The following SPATA7 variants were observed in gnomAD, a reference collection of about 807,000 sequenced individuals.
The protein encoded by SPATA7 is spermatogenesis associated 7, also known as spermatogenesis-associated protein 7.
In SPATA7, 43 loss-of-function variants were observed where a neutral mutation model predicts 51.8. That is an observed-to-expected ratio of 0.83 (90% CI 0.65 to 1.07). The LOEUF is 1.07. SPATA7 is among the 50% of genes least tolerant of loss of function. SPATA7 has a pLI of 0.00. For synonymous variants in SPATA7, 230 were observed against 252.8 expected, an observed-to-expected ratio of 0.91 and a Z score of 0.86; for missense variants, 683 against 701.3, an observed-to-expected ratio of 0.97 and a Z score of 0.30.
At chr14:88,400,739 G>A (rs1331538334) in intron 4 of SPATA7, among the ~76,000 whole-genome samples, 1 of 152,250 alleles carries the variant, frequency 6.6e-6, no homozygotes, top group African/African-American at 2.4e-5. Flanking sequence ...GGAGGCTGAG[G>A]CAGGAGAATC....
rs1043729167 is a variant in SPATA7, at chr14:88,391,512, T to A, written c.94+57T>A. On this transcript the variant is annotated intron_variant, in intron 2 of 11. Coordinates refer to ENST00000393545, the MANE Select transcript of SPATA7 (RefSeq NM_018418.5). Reference sequence around the variant, plus strand: ...TAGAAGATTGTCTGAGTGTTTCCTTTACTGGCAAATTATATGACATGATGG... The same window carrying A: ...TAGAAGATTGTCTGAGTGTTTCCTTAACTGGCAAATTATATGACATGATGG... The A allele has an allele frequency of 7.2e-6, 10 of 1,387,128 alleles. No homozygotes were observed. In the African/African-American group the frequency reaches 1.4e-4, roughly 20 times the overall value. 85.9% of individuals were successfully genotyped at this position (1,387,128 alleles called of 1,614,324 possible).
At position 88,385,744 on chromosome 14, in the gene SPATA7, CGG is replaced by C; in HGVS notation, c.-72_-71del. 1 of 1,450,970 alleles carries C rather than the reference CGG, an allele frequency of 6.9e-7. No homozygotes were observed. The highest frequency in any genetic ancestry group is 9.5e-7 in the Non-Finnish European group (1 of 1,048,392). The allele number at this position is 1,450,970 out of a possible 1,614,324, so 89.9% of individuals were successfully genotyped here. A position where few individuals can be genotyped will look rare whatever the true frequency, so the allele number is the denominator to read the frequency against. ...CTCCTCTTTTCCAGTCCTCCACTGC[CGG>C]GGCTGGGCCCGGCCGCGGGAAGGAC... On this transcript the variant is annotated 5_prime_UTR_variant, in exon 1 of 12. Transcript: ENST00000393545.
At chr14:88,418,017 A>G (rs2076534242) in intron 5 of SPATA7, among the ~76,000 whole-genome samples, 1 of 152,170 alleles carries the variant, frequency 6.6e-6, no homozygotes, top group South Asian at 2.1e-4. Flanking sequence ...TGTTAGATTT[A>G]TGTAGGAAGT....
At chr14:88,455,654 T>A (rs1374318955), downstream of SPATA7, among the ~76,000 whole-genome samples, 1 of 151,836 alleles carries the variant, frequency 6.6e-6, no homozygotes, top group Non-Finnish European at 1.5e-5. Context: ...GATCAGACAG[T>A]AGCACATAAA....
Position 88,437,938 on chromosome 14 carries a change from T to C in SPATA7, c.1316T>C (p.Phe439Ser), listed in dbSNP as rs1566790480. The change falls in exon 12 of 12, where the codon TTT becomes TCT. Residue 439 changes from phenylalanine (F) to serine (S), a missense_variant. Coordinates refer to ENST00000393545, the MANE Select transcript of SPATA7 (RefSeq NM_018418.5). Reference protein sequence around the residue: ...KQNDVDMLNVFDFEKAGNSEP... With the variant: ...KQNDVDMLNVSDFEKAGNSEP... ...AATGATGTTGATATGTTGAATGTATTTGATTTTGAAAAGGCTGGGAATTCA... is the reference window on the plus strand; with the variant it reads ...AATGATGTTGATATGTTGAATGTATCTGATTTTGAAAAGGCTGGGAATTCA... 4 of 1,613,994 alleles carry C rather than the reference T, an allele frequency of 2.5e-6. No individual in the cohort carries two copies. In the South Asian group the frequency reaches 3.3e-5, roughly 13 times the overall value.
At chr14:88,468,015 C>T in intron 4 of SPATA7, 1 of 1,282,412 alleles carries the variant, frequency 7.8e-7, no homozygotes, top group Non-Finnish European at 1.1e-6. Context: ...GACTGCGCCA[C>T]TTACGTCCCA....
At chr14:88,457,394 A>G (rs910110726), downstream of SPATA7, among the ~76,000 whole-genome samples, 1 of 152,064 alleles carries the variant, frequency 6.6e-6, no homozygotes, top group African/African-American at 2.4e-5. Context: ...GTCTTCTTTT[A>G]TTTCATTGAG....
At chr14:88,411,143 G>T (rs2076330505) in intron 4 of SPATA7, among the ~76,000 whole-genome samples, 1 of 152,182 alleles carries the variant, frequency 6.6e-6, no homozygotes, top group African/African-American at 2.4e-5. Flanking sequence ...CGCCCAGTCT[G>T]AACTTCCTGG....
intron 4 of SPATA7, among the ~76,000 whole-genome samples, chr14:88,399,921 T>C (rs2076011259): frequency 6.6e-6 from 1 of 152,128 alleles, no homozygotes; most frequent in Non-Finnish European, 1.5e-5. Context: ...TGGATACATA[T>C]TATAAGACCC....
intron 10 of SPATA7, among the ~76,000 whole-genome samples, chr14:88,436,628 A>C (rs2077095264): frequency 6.6e-6 from 1 of 152,142 alleles, no homozygotes; most frequent in Non-Finnish European, 1.5e-5. Flanking sequence ...GTCTAGTTTC[A>C]TTCTTTTGCA....
At chr14:88,403,693 G>A (rs2076130734) in intron 4 of SPATA7, among the ~76,000 whole-genome samples, 1 of 152,156 alleles carries the variant, frequency 6.6e-6, no homozygotes, top group Admixed American at 6.5e-5. Context: ...GCAATCTAAA[G>A]TGGGCAACCT....
At chr14:88,417,707 C>T (rs1298063906) in intron 5 of SPATA7, among the ~76,000 whole-genome samples, 2 of 152,160 alleles carry the variant, frequency 1.3e-5, no homozygotes, top group Non-Finnish European at 2.9e-5. Flanking sequence ...TGGTACATTA[C>T]CTTTTTTATT....
At chr14:88,412,375 C>T (rs937690455) in intron 4 of SPATA7, among the ~76,000 whole-genome samples, 10 of 152,026 alleles carry the variant, frequency 6.6e-5, no homozygotes, top group African/African-American at 2.4e-4. Flanking sequence ...GGCTGAGGAG[C>T]AAGGAGAGCC....
chr14:88,429,120 C>T (rs1332278983), intron 7 of SPATA7: 2 of 310,610 alleles, frequency 6.4e-6, no homozygotes, highest in South Asian at 4.7e-5. Flanking sequence ...TTCTTAATGT[C>T]ATTTAAATGC....
chr14:88,405,165 T>G (rs2076169750), intron 4 of SPATA7, among the ~76,000 whole-genome samples: 1 of 152,140 alleles, frequency 6.6e-6, no homozygotes, highest in Non-Finnish European at 1.5e-5. Context: ...AATGGTGTCA[T>G]GATTGGTGTT....
At chr14:88,393,219 G>A (rs2075790629) in intron 2 of SPATA7, among the ~76,000 whole-genome samples, 174 bp from the exon 3 acceptor site, 1 of 152,084 alleles carries the variant, frequency 6.6e-6, no homozygotes, top group Non-Finnish European at 1.5e-5. Flanking sequence ...ATGGTCAATA[G>A]CTCATTGGCA....
intron 2 of SPATA7, 40 bp from the exon 3 acceptor site, chr14:88,393,353 A>G (rs1450838242): frequency 3.8e-6 from 5 of 1,314,960 alleles, no homozygotes; most frequent in African/African-American, 2.9e-5. Flanking sequence ...TGATTTTTAT[A>G]TTAGTTTTAA....
chr14:88,458,152 C>T (rs1234904762), downstream of SPATA7, among the ~76,000 whole-genome samples: 2 of 152,112 alleles, frequency 1.3e-5, no homozygotes, highest in Admixed American at 6.6e-5. Context: ...AGGATTTTTG[C>T]ATCAATGTTC....
At position 88,414,387 on chromosome 14, in the gene SPATA7, GTGGGGTCTGT is replaced by G. The variant is rs1484217361; in HGVS notation, c.239-2321_239-2312del. ...GTCTCTAAGGATCTTTTCTATTTCT[GTGGGGTCTGT>G]TGTAATGTTGCCTTTGTCATATCTG... On this transcript the variant is annotated intron_variant, in intron 4 of 11. Transcript: ENST00000393545. 5.3e-5 allele frequency among the ~76,000 whole-genome samples: 8 copies of G among 152,086 alleles called. No individual in the cohort carries two copies. In the South Asian group the frequency reaches 8.3e-4, roughly 16 times the overall value.
Sources: allele counts gnomAD v4.1 joint callset (sites outside exome capture counted in the v4.1 genomes callset), GRCh38; gene constraint gnomAD v4.1.1; transcripts MANE v1.5; gene names NCBI Gene and HGNC (gene_info 2026-07-23, HGNC 2026-07-21).